The following PCDH15 variants were observed in gnomAD, a reference collection of about 807,000 sequenced individuals.
The protein encoded by PCDH15 is protocadherin related 15, also known as protocadherin-15.
In PCDH15, 129 loss-of-function variants were observed where a neutral mutation model predicts 178.5. The observed-to-expected ratio is 0.72, with a 90% CI of 0.63 to 0.84. The LOEUF (loss-of-function observed/expected upper bound fraction) is 0.84, where lower values mean the gene tolerates loss of function less well. Among genes scored for constraint, PCDH15 ranks in the 40% least tolerant of loss-of-function variants. The pLI is 0.00. For missense variants in PCDH15, 2,230 were observed against 2,099.9 expected, an observed-to-expected ratio of 1.06 and a Z score of -1.21; for synonymous variants, 800 against 732.0, an observed-to-expected ratio of 1.09 and a Z score of -1.50.
At chr10:54,694,368 A>G (rs74136245) in intron 1 of PCDH15, among the ~76,000 whole-genome samples, 5,472 of 152,206 alleles carry the variant, frequency 0.036, 349 homozygotes, top group African/African-American at 0.13. Context: ...TTTTTATTCA[A>G]GTTTTAAGAA....
At chr10:54,235,345 G>A (rs2134367889) in intron 9 of PCDH15, among the ~76,000 whole-genome samples, 1 of 152,270 alleles carries the variant, frequency 6.6e-6, no homozygotes, top group East Asian at 1.9e-4. Context: ...GCTTCACAGG[G>A]TAGGTGATCG....
At chr10:54,561,990 T>C (rs2088243458) in intron 2 of PCDH15, among the ~76,000 whole-genome samples, 1 of 110,332 alleles carries the variant, frequency 9.1e-6, no homozygotes, top group Admixed American at 8.8e-5. Context: ...CTTTTTTTTT[T>C]TTTTTTTTTT....
intron 3 of PCDH15, among the ~76,000 whole-genome samples, chr10:54,836,520 G>C (rs1165084956): frequency 1.3e-5 from 2 of 151,896 alleles, no homozygotes; most frequent in Admixed American, 6.6e-5. Context: ...TAATAACTAA[G>C]CAATAAATTC....
rs1364141267 is a variant in PCDH15, at chr10:54,533,246, T to C, written c.92-5369A>G. ...ATTGGTTTCATTTTATGTCATTTCA[T>C]TGAAAGTCTCAATTTCCAAGAACCT... On this transcript the variant is annotated intron_variant, in intron 2 of 37. Transcript: ENST00000644397. Among the ~76,000 whole-genome samples the C allele has an allele frequency of 2.0e-5, 3 of 152,186 alleles. No homozygotes were observed. In the East Asian group the frequency reaches 5.8e-4, roughly 29 times the overall value.
chr10:55,516,358 T>C (rs879713487), intron 2 of PCDH15, among the ~76,000 whole-genome samples: 5 of 152,148 alleles, frequency 3.3e-5, no homozygotes, highest in Non-Finnish European at 5.9e-5. Flanking sequence ...AAGCCACGTG[T>C]AACTGTGAGC....
At chr10:55,617,739 G>C (rs1283981908) in intron 2 of PCDH15, among the ~76,000 whole-genome samples, 1 of 151,838 alleles carries the variant, frequency 6.6e-6, no homozygotes, top group Non-Finnish European at 1.5e-5. Flanking sequence ...CTTTTAAATT[G>C]GGAAAACTGA....
At chr10:54,329,156 T>C (rs182506794) in intron 7 of PCDH15, among the ~76,000 whole-genome samples, 16 of 137,948 alleles carry the variant, frequency 1.2e-4, no homozygotes, top group Non-Finnish European at 2.5e-4. Context: ...TAGGCAATGA[T>C]TCTTTGCCTT....
At chr10:55,294,079 C>A (rs1421607345) in intron 1 of PCDH15, among the ~76,000 whole-genome samples, 1 of 152,064 alleles carries the variant, frequency 6.6e-6, no homozygotes, top group African/African-American at 2.4e-5. Flanking sequence ...ATAGTCATGG[C>A]AGAAAGCAAG....
At chr10:54,660,488 A>T (rs754836718) in intron 2 of PCDH15, among the ~76,000 whole-genome samples, 6 of 152,134 alleles carry the variant, frequency 3.9e-5, no homozygotes, top group Non-Finnish European at 5.9e-5. Context: ...CCATTTTCCA[A>T]AAAAAGCCAG....
chr10:55,537,646 G>T (rs1841610982), intron 2 of PCDH15, among the ~76,000 whole-genome samples: 2 of 152,132 alleles, frequency 1.3e-5, no homozygotes, highest in Non-Finnish European at 2.9e-5. Flanking sequence ...ATCTTGGTCA[G>T]GCTGGTCTTG....
chr10:55,178,642 G>T, intron 1 of PCDH15, among the ~76,000 whole-genome samples: 1 of 152,128 alleles, frequency 6.6e-6, no homozygotes, highest in East Asian at 1.9e-4. Context: ...AAGGCCTGGG[G>T]AACTTATGGA....
intron 2 of PCDH15, among the ~76,000 whole-genome samples, chr10:54,646,743 A>G (rs1354481356): frequency 2.6e-5 from 4 of 151,996 alleles, no homozygotes; most frequent in Non-Finnish European, 5.9e-5. Flanking sequence ...TTTTTAATGC[A>G]CTAATCATCA....
chr10:53,925,173 C>G (rs1376787073), intron 25 of PCDH15, among the ~76,000 whole-genome samples: 5 of 152,130 alleles, frequency 3.3e-5, no homozygotes, highest in Non-Finnish European at 5.9e-5. Flanking sequence ...TGCTGCTGCT[C>G]ACTCTTTGGT....
intron 1 of PCDH15, among the ~76,000 whole-genome samples, chr10:55,263,527 C>T (rs2132237702): frequency 6.6e-6 from 1 of 152,054 alleles, no homozygotes; most frequent in South Asian, 2.1e-4. Flanking sequence ...CCAGCAGCCA[C>T]GAGGGGGAGA....
At chr10:54,936,182 T>A (rs958641024) in intron 2 of PCDH15, among the ~76,000 whole-genome samples, 7 of 152,064 alleles carry the variant, frequency 4.6e-5, no homozygotes. Context: ...CTTAGTGTAA[T>A]ATTTTCAATA....
intron 2 of PCDH15, among the ~76,000 whole-genome samples, chr10:54,981,900 T>C (rs1478357941): frequency 6.6e-6 from 1 of 151,836 alleles, no homozygotes; most frequent in Non-Finnish European, 1.5e-5. Flanking sequence ...CACAGCCTCC[T>C]GAGTAGCTAG....
intron 2 of PCDH15, among the ~76,000 whole-genome samples, chr10:55,014,592 TAGAA>T (rs1362452912): frequency 6.6e-6 from 1 of 152,180 alleles, no homozygotes; most frequent in Non-Finnish European, 1.5e-5. Context: ...AAATATATTT[TAGAA>T]AGAGGATGTT....
chr10:53,815,952 G>T (rs2076046698), intron 35 of PCDH15, among the ~76,000 whole-genome samples: 1 of 152,024 alleles, frequency 6.6e-6, no homozygotes, highest in African/African-American at 2.4e-5. Context: ...CTGCTGATCG[G>T]GTTCATTAAT....
rs146884871 is a variant in PCDH15, at chr10:55,286,369, T to G, written c.-156+33230A>C. ...AATATGAGAAATTTTTAAAACTATA[T>G]ACCTATACCTGTTTGTAGCTATATA... On this transcript the variant is annotated intron_variant, in intron 1 of 5. Coordinates refer to the PCDH15 transcript ENST00000458638. 9.7e-3 allele frequency among the ~76,000 whole-genome samples: 1,480 copies of G among 152,110 alleles called. 23 individuals are homozygous for G. Among genetic ancestry groups the G allele is most frequent in the African/African-American group, 0.032 (1,350 of 41,544 alleles).
Sources: gnomAD v4.1 joint callset for allele counts (sites outside exome capture counted in the v4.1 genomes callset) on GRCh38, gnomAD v4.1.1 for gene constraint, MANE v1.5 for transcripts, NCBI Gene and HGNC (gene_info 2026-07-23, HGNC 2026-07-21) for gene names.